The following ARHGAP26 variants were observed in gnomAD, a reference collection of about 807,000 sequenced individuals.
The protein encoded by ARHGAP26 is Rho GTPase activating protein 26.
ARHGAP26 carries 38 observed loss-of-function variants against 104.8 expected under a neutral mutation model. That is an observed-to-expected ratio of 0.36 (90% CI 0.28 to 0.48). ARHGAP26 has a LOEUF of 0.48. ARHGAP26 is among the 20% of genes least tolerant of loss of function. The pLI is 0.99. For synonymous variants in ARHGAP26, 341 were observed against 340.0 expected (o/e 1.00, Z -0.03); for missense variants, 704 against 947.9 (o/e 0.74, Z 3.38).
At chr5:142,944,674 G>C (rs548163234) in intron 11 of ARHGAP26, among the ~76,000 whole-genome samples, 1 of 152,054 alleles carries the variant, frequency 6.6e-6, no homozygotes, top group Non-Finnish European at 1.5e-5. Flanking sequence ...TTTATTGGCC[G>C]TTTCTATTTA....
chr5:143,063,168 G>A (rs138217810), intron 17 of ARHGAP26, among the ~76,000 whole-genome samples: 99 of 152,154 alleles, frequency 6.5e-4, no homozygotes, highest in Middle Eastern at 6.8e-3. Flanking sequence ...CAGTCCTATC[G>A]GGCTTTTCCC....
At chr5:142,795,296 G>A (rs536229646) in intron 1 of ARHGAP26, among the ~76,000 whole-genome samples, 2 of 152,312 alleles carry the variant, frequency 1.3e-5, no homozygotes, top group African/African-American at 4.8e-5. Context: ...ACCTCGTAGG[G>A]TTATTGTGAG....
At chr5:143,057,366 G>C (rs1418623829) in intron 16 of ARHGAP26, among the ~76,000 whole-genome samples, 2 of 152,120 alleles carry the variant, frequency 1.3e-5, no homozygotes, top group Non-Finnish European at 2.9e-5. Context: ...AGCAGCTCTG[G>C]GTGTGCAGTT....
rs189447139 is a variant in ARHGAP26 at position 142,949,708 on chromosome 5, G to A, written c.1107+17583G>A. 3.6e-3 allele frequency among the ~76,000 whole-genome samples: 541 copies of A among 152,254 alleles called. 2 individuals are homozygous for A. The highest frequency in any genetic ancestry group is 6.0e-3 in the Non-Finnish European group (409 of 68,018). On this transcript the variant is annotated intron_variant, in intron 11 of 22. Transcript: ENST00000645722. ...CAAGTATGAGGGGCAGAGTGGGAGG[G>A]AGGTAGCTGGAATGTGAATGAGCCA...
chr5:142,995,960 A>T (rs1014205664), intron 11 of ARHGAP26, among the ~76,000 whole-genome samples: 1 of 152,096 alleles, frequency 6.6e-6, no homozygotes, highest in African/African-American at 2.4e-5. Flanking sequence ...GTGTTCTCAC[A>T]ACTCCCACTC....
chr5:142,861,056 G>A (rs150693216), intron 1 of ARHGAP26, among the ~76,000 whole-genome samples: 17 of 152,282 alleles, frequency 1.1e-4, no homozygotes, highest in African/African-American at 4.1e-4. Flanking sequence ...CTCATTCTGT[G>A]GTGGTCTGCA....
chr5:143,042,251 A>G (rs1310233898), intron 14 of ARHGAP26, among the ~76,000 whole-genome samples: 2 of 152,150 alleles, frequency 1.3e-5, no homozygotes, highest in Non-Finnish European at 2.9e-5. Flanking sequence ...ATTTAGTGGG[A>G]CACACCCAAT....
intron 19 of ARHGAP26, among the ~76,000 whole-genome samples, chr5:143,139,290 T>C (rs936734079): frequency 2.0e-4 from 30 of 152,342 alleles, no homozygotes; most frequent in African/African-American, 7.0e-4. Context: ...ATGATAATCC[T>C]GTGAGGTAGG....
chr5:142,894,403 A>G, intron 6 of ARHGAP26, 55 bp downstream of exon 6: 1 of 1,491,278 alleles, frequency 6.7e-7, no homozygotes. Context: ...CCTCATTCTA[A>G]CTAGTAGTAG....
intron 20 of ARHGAP26, among the ~76,000 whole-genome samples, chr5:143,188,892 G>C (rs1805512111): frequency 6.6e-6 from 1 of 152,228 alleles, no homozygotes; most frequent in Non-Finnish European, 1.5e-5. Flanking sequence ...CAAATAGCTA[G>C]AGATGTGGCA....
At chr5:143,054,580 G>A (rs1785520966) in intron 15 of ARHGAP26, 54 bp downstream of exon 15, 2 of 1,319,870 alleles carry the variant, frequency 1.5e-6, no homozygotes, top group Admixed American at 2.0e-5. Context: ...ATGCAATCAG[G>A]AAGAAAGCAG....
chr5:142,887,718 A>G (rs1028292325), intron 5 of ARHGAP26, among the ~76,000 whole-genome samples: 2 of 152,196 alleles, frequency 1.3e-5, no homozygotes, highest in Non-Finnish European at 2.9e-5. Flanking sequence ...TAACTGAACT[A>G]AATTAAACTG....
intron 9 of ARHGAP26, 130 bp from the exon 10 acceptor site, chr5:142,913,069 C>T: frequency 1.3e-6 from 1 of 783,222 alleles, no homozygotes; most frequent in Non-Finnish European, 2.2e-6. Context: ...CACCCTTCCA[C>T]TGCCCATGGT....
At chr5:142,854,419 G>A (rs1020245399) in intron 1 of ARHGAP26, among the ~76,000 whole-genome samples, 2 of 152,202 alleles carry the variant, frequency 1.3e-5, no homozygotes, top group African/African-American at 4.8e-5. Context: ...CCAGTAGGTT[G>A]TAGGTTTGGG....
chr5:143,068,956 T>G (rs1260911309), intron 17 of ARHGAP26, among the ~76,000 whole-genome samples: 3 of 152,222 alleles, frequency 2.0e-5, no homozygotes, highest in African/African-American at 7.2e-5. Flanking sequence ...CTCTCCTCCT[T>G]GATAAGCTTT....
chr5:143,092,281 G>A (rs1444799251), intron 17 of ARHGAP26, among the ~76,000 whole-genome samples: 2 of 149,768 alleles, frequency 1.3e-5, no homozygotes, highest in African/African-American at 2.5e-5. Context: ...CTCCTGCCTC[G>A]GCCTCCTGAG....
chr5:142,865,021 GTTTC>G (rs1466422701), intron 1 of ARHGAP26, among the ~76,000 whole-genome samples: 1 of 152,168 alleles, frequency 6.6e-6, no homozygotes, highest in Non-Finnish European at 1.5e-5. Flanking sequence ...CTCAAAATGG[GTTTC>G]TTTGTTTTCA....
In ARHGAP26 at chr5:142,770,616, C is replaced by CCG. The variant is rs1288793249; in HGVS notation, c.-139_-138dup. The CCG allele has an allele frequency of 2.0e-6, 1 of 499,362 alleles. No homozygotes were observed. Among genetic ancestry groups the CCG allele is most frequent in the African/African-American group, 2.1e-5 (1 of 48,238 alleles). 30.9% of individuals were successfully genotyped at this position (499,362 alleles called of 1,614,324 possible). On this transcript the variant is annotated 5_prime_UTR_variant, in exon 1 of 23. Transcript: ENST00000645722. ...CGGGAGTCTTGCGCGCCGGCGGACACCGCGCGCGGAGTGAGCCAGCGCCAC... is the reference window on the plus strand; with the variant it reads ...CGGGAGTCTTGCGCGCCGGCGGACACCGCGCGCGCGGAGTGAGCCAGCGCCAC...
intron 11 of ARHGAP26, among the ~76,000 whole-genome samples, chr5:143,005,391 G>T (rs1321194008): frequency 6.6e-6 from 1 of 152,234 alleles, no homozygotes; most frequent in Non-Finnish European, 1.5e-5. Context: ...AATAAAAAAT[G>T]AGTGAGTGTC....
Sources: allele counts gnomAD v4.1 joint callset (sites outside exome capture counted in the v4.1 genomes callset), GRCh38; gene constraint gnomAD v4.1.1; transcripts MANE v1.5; gene names NCBI Gene and HGNC (gene_info 2026-07-23, HGNC 2026-07-21).